Variants in FAM81B observed in about 807,000 individuals in gnomAD.
FAM81B encodes the protein protein FAM81B.
A neutral mutation model predicts 58.7 loss-of-function variants in FAM81B; 60 were observed. The observed-to-expected ratio is 1.02, with a 90% CI of 0.83 to 1.27. The LOEUF (loss-of-function observed/expected upper bound fraction) is 1.27, where lower values mean the gene tolerates loss of function less well. Among genes scored for constraint, FAM81B ranks in the 50% most tolerant of loss-of-function variants. The pLI, the probability that FAM81B is intolerant of heterozygous loss-of-function variation, is 0.00. For missense variants in FAM81B, 491 were observed against 522.0 expected (o/e 0.94, Z 0.58); for synonymous variants, 189 against 179.6 (o/e 1.05, Z -0.42).
At chr5:95,391,807 C>G (rs537709224) in intron 1 of FAM81B, among the ~76,000 whole-genome samples, 2 of 152,246 alleles carry the variant, frequency 1.3e-5, no homozygotes, top group South Asian at 4.1e-4. Flanking sequence ...AATGAGATAC[C>G]ATCTCATGCC....
chr5:95,427,289 A>T (rs912764364), intron 5 of FAM81B, among the ~76,000 whole-genome samples: 5 of 152,172 alleles, frequency 3.3e-5, no homozygotes, highest in African/African-American at 7.2e-5. Context: ...CATTCTAACT[A>T]ACCAACAATA....
At chr5:95,405,744 C>G (rs1762227436) in intron 3 of FAM81B, among the ~76,000 whole-genome samples, 1 of 152,180 alleles carries the variant, frequency 6.6e-6, no homozygotes, top group South Asian at 2.1e-4. Context: ...CCAGTGAGTC[C>G]AGGGGTGGGG....
intron 4 of FAM81B, among the ~76,000 whole-genome samples, chr5:95,417,974 CATT>C: frequency 6.6e-6 from 1 of 152,326 alleles, no homozygotes; most frequent in Non-Finnish European, 1.5e-5. Flanking sequence ...TAATTTCTCT[CATT>C]ATTGCAGTCC....
At chr5:95,450,043 G>A (rs1413685171) in intron 9 of FAM81B, 106 bp from the exon 10 acceptor site, 1 of 1,257,894 alleles carries the variant, frequency 7.9e-7, no homozygotes, top group Admixed American at 2.6e-5. Context: ...TAATGCGCTT[G>A]GAATTAAATG....
chr5:95,395,130 A>G (rs902469470), intron 2 of FAM81B, among the ~76,000 whole-genome samples: 1 of 152,184 alleles, frequency 6.6e-6, no homozygotes, highest in African/African-American at 2.4e-5. Flanking sequence ...TTTAAACTTA[A>G]AAGAACATTA....
At chr5:95,420,485 G>GA in intron 5 of FAM81B, 83 bp downstream of exon 5, 2 of 1,568,928 alleles carry the variant, frequency 1.3e-6, no homozygotes, top group South Asian at 1.1e-5. Flanking sequence ...CCATGCTGTG[G>GA]AAAAAAGATA....
At chr5:95,399,382 C>CT (rs746385848) in intron 3 of FAM81B, among the ~76,000 whole-genome samples, 1 of 152,152 alleles carries the variant, frequency 6.6e-6, no homozygotes, top group Non-Finnish European at 1.5e-5. Context: ...AGACAAAACT[C>CT]TGTTGGTTGA....
chr5:95,420,159 C>T, intron 4 of FAM81B, 125 bp from the exon 5 acceptor site: 1 of 1,125,728 alleles, frequency 8.9e-7, no homozygotes, highest in South Asian at 1.4e-5. Context: ...AGATAGGACT[C>T]TCTCACTCAT....
At position 95,436,887 on chromosome 5, in the gene FAM81B, A is replaced by G; in HGVS notation, c.874A>G (p.Met292Val). 1 of 1,613,774 alleles carries G rather than the reference A, an allele frequency of 6.2e-7. No individual in the cohort carries two copies. Residue 292 changes from methionine to valine, a missense_variant, in exon 7 of 10, where the codon ATG (methionine) becomes GTG (valine). Coordinates refer to ENST00000283357, the MANE Select transcript of FAM81B (RefSeq NM_152548.3). ...GGTCCAGGGGGATTATCGCCACGAA[A>G]TGAACCTTTTGGAATTCAAGTAAGT... ...KMVQGDYRHE[M>V]NLLEFKFHSL...
At chr5:95,405,676 A>T (rs905518745) in intron 3 of FAM81B, among the ~76,000 whole-genome samples, 1 of 152,136 alleles carries the variant, frequency 6.6e-6, no homozygotes, top group Non-Finnish European at 1.5e-5. Context: ...TGGCCTTTGA[A>T]CTCATTTCCC....
At chr5:95,401,812 G>A (rs531742313) in intron 3 of FAM81B, among the ~76,000 whole-genome samples, 4 of 152,298 alleles carry the variant, frequency 2.6e-5, no homozygotes, top group South Asian at 2.1e-4. Flanking sequence ...AGGGAAGTGA[G>A]AGGCTCCATG....
At chr5:95,406,597 C>T (rs1360446310) in intron 3 of FAM81B, among the ~76,000 whole-genome samples, 1 of 152,160 alleles carries the variant, frequency 6.6e-6, no homozygotes, top group East Asian at 1.9e-4. Context: ...GCACTCCCAA[C>T]AGTTGGGGGG....
intron 7 of FAM81B, among the ~76,000 whole-genome samples, chr5:95,438,960 A>G (rs1165883401): frequency 6.6e-6 from 1 of 151,150 alleles, no homozygotes; most frequent in African/African-American, 2.4e-5. Context: ...CATGGGTTTT[A>G]AAAATAATTT....
intron 3 of FAM81B, among the ~76,000 whole-genome samples, chr5:95,407,435 CAA>C (rs150101411): frequency 5.9e-5 from 9 of 151,820 alleles, no homozygotes; most frequent in African/African-American, 9.7e-5. Flanking sequence ...TGCGCGCACA[CAA>C]ACACACACGC....
At position 95,421,451 on chromosome 5, in the gene FAM81B, C is replaced by G. The variant is rs138100983; in HGVS notation, c.656+1049C>G. The stretch of plus-strand genomic sequence containing the variant: ...CACTGTGACATGTTCATGGGCCTAC[C>G]TGGGAGAATGGCATTTTGGTTATGG... On this transcript the variant is annotated intron_variant, in intron 5 of 9. Transcript: ENST00000283357. Among the ~76,000 whole-genome samples the G allele has an allele frequency of 2.4e-3, 370 of 152,270 alleles. 1 individual carries two copies. The highest frequency in any genetic ancestry group is 4.7e-3 in the Non-Finnish European group (317 of 68,016).
chr5:95,435,874 T>G (rs185042346), intron 6 of FAM81B, among the ~76,000 whole-genome samples: 40 of 152,338 alleles, frequency 2.6e-4, no homozygotes, highest in Middle Eastern at 3.4e-3. Flanking sequence ...CTTTAGCCTG[T>G]TTTAAGTGTA....
chr5:95,392,437 C>A (rs1200133669), intron 1 of FAM81B, among the ~76,000 whole-genome samples: 2 of 152,102 alleles, frequency 1.3e-5, no homozygotes, highest in East Asian at 3.9e-4. Context: ...ACCACCATGG[C>A]ACGTGTATAC....
intron 3 of FAM81B, among the ~76,000 whole-genome samples, chr5:95,399,630 T>G (rs1762055549): frequency 6.6e-6 from 1 of 152,148 alleles, no homozygotes; most frequent in South Asian, 2.1e-4. Flanking sequence ...TCTGGATTCT[T>G]GTCACATTTA....
At chr5:95,394,490 A>G (rs1259284662) in intron 2 of FAM81B, among the ~76,000 whole-genome samples, 2 of 152,206 alleles carry the variant, frequency 1.3e-5, no homozygotes, top group Non-Finnish European at 2.9e-5. Context: ...GCAATGAAGT[A>G]GGTGAGGTCT....
Sources: gnomAD v4.1 joint callset for allele counts (sites outside exome capture counted in the v4.1 genomes callset) on GRCh38, gnomAD v4.1.1 for gene constraint, MANE v1.5 for transcripts, NCBI Gene and HGNC (gene_info 2026-07-23, HGNC 2026-07-21) for gene names.